Variants in RTL9 observed in about 807,000 individuals in gnomAD.
RTL9 encodes the protein retrotransposon Gag-like protein 9.
In RTL9, 19 loss-of-function variants were observed where a neutral mutation model predicts 44.7. The observed-to-expected ratio is 0.42, with a 90% CI of 0.30 to 0.62. The LOEUF (loss-of-function observed/expected upper bound fraction) is 0.62. Ranked by LOEUF, RTL9 falls within the 20% of genes least tolerant of loss-of-function variation. The probability of loss-of-function intolerance (pLI) is 0.16; values close to 1 mark genes in which losing one functional copy is unlikely to be tolerated. For synonymous variants in RTL9, 407 were observed against 398.9 expected, an observed-to-expected ratio of 1.02 and a Z score of -0.24; for missense variants, 1,105 against 1,080.6, an observed-to-expected ratio of 1.02 and a Z score of -0.32.
In RTL9 at chrX:110,388,160, C is replaced by T. The variant is rs189687727; in HGVS notation, c.-168+29244C>T. ...GGGATTACAGGCGTGAGCCACCGCCCAGCCTGATCATTATCTCTCTTAAAT... is the reference window on the plus strand; with the variant it reads ...GGGATTACAGGCGTGAGCCACCGCCTAGCCTGATCATTATCTCTCTTAAAT... On this transcript the variant is annotated intron_variant, in intron 1 of 2. Transcript: ENST00000520821. 4.2e-3 allele frequency among the ~76,000 whole-genome samples: 466 copies of T among 111,864 alleles called. 2 individuals are homozygous for T. The highest frequency in any genetic ancestry group is 0.014 in the African/African-American group (440 of 30,704).
At chrX:110,451,513 T>C (rs760371055) in exon 1 of RTL9, 1 of 1,212,084 alleles carries the variant, frequency 8.3e-7, no homozygotes, top group Non-Finnish European at 1.1e-6. Context: ...ACCCCGCTCA[T>C]GTCAGATCTA....
chrX:110,384,405 A>G (rs2068440633), intron 1 of RTL9, among the ~76,000 whole-genome samples: 2 of 111,675 alleles, frequency 1.8e-5, no homozygotes, highest in Admixed American at 1.9e-4. Flanking sequence ...TGATAATAAG[A>G]GTACCTACCT....
intron 1 of RTL9, among the ~76,000 whole-genome samples, chrX:110,402,972 G>A (rs2068575183): frequency 8.9e-6 from 1 of 112,108 alleles, no homozygotes; most frequent in South Asian, 3.7e-4. Flanking sequence ...GCCCCTACGT[G>A]AAGCTGCTTG....
At chrX:110,383,662 C>T (rs1024216319) in intron 1 of RTL9, among the ~76,000 whole-genome samples, 2 of 111,894 alleles carry the variant, frequency 1.8e-5, no homozygotes, top group Admixed American at 1.9e-4. Flanking sequence ...AACATCCTTA[C>T]TCTTCTTATC....
exon 1 of RTL9, chrX:110,453,958 C>A: frequency 1.7e-6 from 2 of 1,211,951 alleles, no homozygotes; most frequent in Non-Finnish European, 2.2e-6. Flanking sequence ...AACATCACAG[C>A]CTCTGGATCA....
At chrX:110,446,992 A>T (rs2068911455), upstream of RTL9, among the ~76,000 whole-genome samples, 2 of 110,607 alleles carry the variant, frequency 1.8e-5, no homozygotes, top group African/African-American at 6.6e-5. Flanking sequence ...GAGATCATAT[A>T]GGTAAAGCAC....
chrX:110,436,004 C>G (rs886710733), intron 1 of RTL9, among the ~76,000 whole-genome samples: 1 of 112,467 alleles, frequency 8.9e-6, no homozygotes, highest in East Asian at 2.8e-4. Context: ...AGAGGCAAAG[C>G]CTGCCGGTGT....
At chrX:110,442,241 CTCTCTCTGTG>C (rs2148342608) in intron 1 of RTL9, among the ~76,000 whole-genome samples, 1 of 104,865 alleles carries the variant, frequency 9.5e-6, no homozygotes, top group South Asian at 4.3e-4. Context: ...CTCTCTCTCT[CTCTCTCTGTG>C]TGTGTGTGTG....
At chrX:110,381,208 A>C (rs1242478809) in intron 1 of RTL9, among the ~76,000 whole-genome samples, 2 of 112,327 alleles carry the variant, frequency 1.8e-5, no homozygotes, top group African/African-American at 3.2e-5. Context: ...AATATCCAGC[A>C]TCTATAAGGA....
intron 1 of RTL9, among the ~76,000 whole-genome samples, chrX:110,433,591 A>G (rs1243399574): frequency 8.9e-6 from 1 of 112,013 alleles, no homozygotes; most frequent in Non-Finnish European, 1.9e-5. Flanking sequence ...TCATACATGT[A>G]CATGAATATA....
intron 1 of RTL9, among the ~76,000 whole-genome samples, chrX:110,362,736 A>G (rs1433627771): frequency 1.8e-5 from 2 of 112,075 alleles, no homozygotes; most frequent in African/African-American, 6.5e-5. Flanking sequence ...TACAGGCACT[A>G]AAGATATCCT....
At chrX:110,411,505 A>C (rs748608882) in intron 1 of RTL9, among the ~76,000 whole-genome samples, 1 of 112,468 alleles carries the variant, frequency 8.9e-6, no homozygotes, top group Admixed American at 9.4e-5. Flanking sequence ...GAAACCATTA[A>C]AAGATTAGAA....
intron 1 of RTL9, among the ~76,000 whole-genome samples, chrX:110,361,888 T>C (rs2068265987): frequency 8.9e-6 from 1 of 112,159 alleles, no homozygotes; most frequent in Non-Finnish European, 1.9e-5. Context: ...CTATCATTGT[T>C]ATACAAAAGC....
exon 2 of RTL9, chrX:110,455,895 A>G (rs1467015070): frequency 8.9e-6 from 1 of 112,771 alleles, no homozygotes; most frequent in East Asian, 2.8e-4. Flanking sequence ...TATAATGGCT[A>G]CCAGTTATTG....
chrX:110,431,900 G>C (rs1207322919), intron 1 of RTL9, among the ~76,000 whole-genome samples: 1 of 111,873 alleles, frequency 8.9e-6, no homozygotes, highest in Non-Finnish European at 1.9e-5. Context: ...AAGCATATTA[G>C]GTGAGAGTTG....
chrX:110,432,072 G>A (rs1259634127), intron 1 of RTL9, among the ~76,000 whole-genome samples: 1 of 112,007 alleles, frequency 8.9e-6, no homozygotes, highest in Non-Finnish European at 1.9e-5. Flanking sequence ...TGAGCTTTAT[G>A]GCAGATGCTG....
At chrX:110,413,826 T>C (rs1265728808) in intron 1 of RTL9, among the ~76,000 whole-genome samples, 1 of 111,543 alleles carries the variant, frequency 9.0e-6, no homozygotes, top group Non-Finnish European at 1.9e-5. Context: ...TGGAACATGA[T>C]GATGATGATG....
chrX:110,372,211 A>G (rs1569416758), intron 1 of RTL9, among the ~76,000 whole-genome samples: 1 of 112,474 alleles, frequency 8.9e-6, no homozygotes, highest in Non-Finnish European at 1.9e-5. Context: ...TTTGGTGAGT[A>G]TTGGTTATCT....
chrX:110,386,214 T>C (rs2068453867), intron 1 of RTL9, among the ~76,000 whole-genome samples: 1 of 111,395 alleles, frequency 9.0e-6, no homozygotes, highest in Non-Finnish European at 1.9e-5. Context: ...CAAACTATTT[T>C]CCAAAGAGCC....
Sources: gnomAD v4.1 joint callset for allele counts (sites outside exome capture counted in the v4.1 genomes callset) on GRCh38, gnomAD v4.1.1 for gene constraint, MANE v1.5 for transcripts, NCBI Gene and HGNC (gene_info 2026-07-23, HGNC 2026-07-21) for gene names.